The following GRIN2B variants were observed in gnomAD, a reference collection of about 807,000 sequenced individuals.
GRIN2B encodes glutamate ionotropic receptor NMDA type subunit 2B, also known as glutamate receptor ionotropic, NMDA 2B.
Under a neutral mutation model 114.5 loss-of-function variants are expected in GRIN2B, and 5 were observed. The observed-to-expected ratio is 0.04, with a 90% CI of 0.02 to 0.09. The LOEUF is 0.09. Ranked by LOEUF, GRIN2B falls within the 10% of genes least tolerant of loss-of-function variation. The pLI is 1.00. For missense variants in GRIN2B, 1,108 were observed against 1,943.5 expected (o/e 0.57, Z 8.08); for synonymous variants, 787 against 745.1 (o/e 1.06, Z -0.92).
At chr12:13,609,556 G>A (rs1329520424) in intron 9 of GRIN2B, among the ~76,000 whole-genome samples, 4 of 152,092 alleles carry the variant, frequency 2.6e-5, no homozygotes, top group African/African-American at 7.2e-5. Context: ...GGCGGATCAC[G>A]AGGTCAGGAG....
At chr12:13,641,791 C>T (rs1488814584) in intron 5 of GRIN2B, among the ~76,000 whole-genome samples, 1 of 152,148 alleles carries the variant, frequency 6.6e-6, no homozygotes, top group Non-Finnish European at 1.5e-5. Context: ...AGGCCTCCTT[C>T]TTCAGCATCT....
chr12:13,609,063 T>C (rs529275710), intron 9 of GRIN2B, among the ~76,000 whole-genome samples: 9 of 152,152 alleles, frequency 5.9e-5, no homozygotes, highest in Non-Finnish European at 1.2e-4. Context: ...GGAGTGTGTG[T>C]AGGATGGTCT....
intron 2 of GRIN2B, among the ~76,000 whole-genome samples, chr12:13,867,115 A>G (rs1865840559): frequency 6.6e-6 from 1 of 152,248 alleles, no homozygotes; most frequent in African/African-American, 2.4e-5. Context: ...AAATACAGAA[A>G]CTTAAACAAA....
At chr12:13,692,760 CTT>C (rs71067718) in intron 4 of GRIN2B, among the ~76,000 whole-genome samples, 7 of 52,132 alleles carry the variant, frequency 1.3e-4, no homozygotes, top group South Asian at 1.2e-3. Context: ...TCTTTCTTTT[CTT>C]TTTTTTTTTT....
chr12:13,711,996 A>G (rs1320066190), intron 4 of GRIN2B, among the ~76,000 whole-genome samples: 1 of 152,188 alleles, frequency 6.6e-6, no homozygotes, highest in African/African-American at 2.4e-5. Flanking sequence ...CAACAGTGAT[A>G]GACTGGATTA....
At chr12:13,700,027 T>C (rs1170413224) in intron 4 of GRIN2B, among the ~76,000 whole-genome samples, 7 of 152,118 alleles carry the variant, frequency 4.6e-5, no homozygotes, top group Non-Finnish European at 8.8e-5. Flanking sequence ...TACCAGGGAA[T>C]CTTTTTATTG....
intron 3 of GRIN2B, among the ~76,000 whole-genome samples, chr12:13,862,237 G>A (rs578131154): frequency 2.0e-5 from 3 of 152,292 alleles, no homozygotes; most frequent in African/African-American, 4.8e-5. Flanking sequence ...GCTATTTGAC[G>A]AGGTGCTGAA....
intron 4 of GRIN2B, among the ~76,000 whole-genome samples, chr12:13,732,059 A>G (rs188840639): frequency 8.7e-4 from 133 of 152,316 alleles, no homozygotes; most frequent in African/African-American, 3.1e-3. Flanking sequence ...ACAAAAATAC[A>G]CTAATGGTGC....
At position 13,797,336 on chromosome 12, in the gene GRIN2B, C is replaced by A. The variant is rs187950494; in HGVS notation, c.412-43421G>T. 1.2e-4 allele frequency among the ~76,000 whole-genome samples: 18 copies of A among 152,314 alleles called. No homozygotes were observed. In the East Asian group the frequency reaches 3.5e-3, roughly 29 times the overall value. On this transcript the variant is annotated intron_variant, in intron 3 of 13. Coordinates refer to ENST00000609686, the MANE Select transcript of GRIN2B (RefSeq NM_000834.5). ...TTCCCCACCCCCTAATACATCATCA[C>A]CTTGGGGGTTAGGATTTCAACATAT...
Position 13,849,873 on chromosome 12 carries a change from T to C in GRIN2B, c.411+15925A>G, listed in dbSNP as rs142038121. Among the ~76,000 whole-genome samples, 511 of 152,264 alleles carry C rather than the reference T, an allele frequency of 3.4e-3. 2 individuals carry two copies. Among genetic ancestry groups the C allele is most frequent in the Non-Finnish European group, 5.7e-3 (391 of 68,018 alleles). ...CTCTAGAAAGGGCTTGCACACTGTG[T>C]GATAAATTTACTTCTCTCATGCATT... On this transcript the variant is annotated intron_variant, in intron 3 of 13. Transcript: ENST00000609686.
At chr12:13,696,943 C>T (rs1950265490) in intron 4 of GRIN2B, among the ~76,000 whole-genome samples, 1 of 152,168 alleles carries the variant, frequency 6.6e-6, no homozygotes, top group Non-Finnish European at 1.5e-5. Context: ...GTTCTTTATG[C>T]TTCTCCATAT....
chr12:13,740,904 T>C (rs1414889626), intron 4 of GRIN2B, among the ~76,000 whole-genome samples: 1 of 151,380 alleles, frequency 6.6e-6, no homozygotes, highest in East Asian at 1.9e-4. Flanking sequence ...GGACAGAGAG[T>C]GAGATGAGCA....
intron 10 of GRIN2B, among the ~76,000 whole-genome samples, chr12:13,594,509 CA>C (rs1949048324): frequency 6.6e-6 from 1 of 150,922 alleles, no homozygotes; most frequent in Non-Finnish European, 1.5e-5. Flanking sequence ...GAACATCACA[CA>C]CTGGGGCCTG....
At chr12:13,824,640 G>A (rs551781622) in intron 3 of GRIN2B, among the ~76,000 whole-genome samples, 1 of 152,128 alleles carries the variant, frequency 6.6e-6, no homozygotes, top group Non-Finnish European at 1.5e-5. Context: ...GGATCACAAG[G>A]TCAGGAGTTT....
chr12:13,537,341 T>C lies in GRIN2B; in HGVS notation c.*25442A>G, dbSNP rs1436928531. 2.0e-5 allele frequency: 3 copies of C among 152,204 alleles called. No homozygotes were observed. The highest frequency in any genetic ancestry group is 7.2e-5 in the African/African-American group (3 of 41,444). 9.4% of individuals were successfully genotyped at this position (152,204 alleles called of 1,614,324 possible). ...TGAGAATAGTCACATTTAAGGTCGA[T>C]TCCAAGTTTAAATTTTATGTGTAGA... is the stretch of plus-strand genomic sequence containing the variant. On this transcript the variant is annotated 3_prime_UTR_variant, in exon 14 of 14. Transcript: ENST00000609686.
chr12:13,714,923 A>G (rs1217358800), intron 4 of GRIN2B, among the ~76,000 whole-genome samples: 1 of 151,812 alleles, frequency 6.6e-6, no homozygotes, highest in African/African-American at 2.4e-5. Flanking sequence ...AAACTCTGGG[A>G]AATATGTGTT....
chr12:13,643,318 T>C (rs1209197644), intron 5 of GRIN2B, among the ~76,000 whole-genome samples: 1 of 152,150 alleles, frequency 6.6e-6, no homozygotes, highest in Non-Finnish European at 1.5e-5. Context: ...TCCAAGTGCA[T>C]ATAAAAGTTA....
chr12:13,855,166 C>T (rs1239475256), intron 3 of GRIN2B, among the ~76,000 whole-genome samples: 5 of 151,682 alleles, frequency 3.3e-5, no homozygotes, highest in African/African-American at 1.2e-4. Flanking sequence ...TTCAGTGAGC[C>T]GAGATCATGC....
At chr12:13,938,171 A>G (rs1051876655) in intron 2 of GRIN2B, among the ~76,000 whole-genome samples, 2 of 152,150 alleles carry the variant, frequency 1.3e-5, no homozygotes, top group African/African-American at 4.8e-5. Flanking sequence ...AATGAAAATC[A>G]GAAATCACAA....
Sources: gnomAD v4.1 joint callset for allele counts (sites outside exome capture counted in the v4.1 genomes callset) on GRCh38, gnomAD v4.1.1 for gene constraint, MANE v1.5 for transcripts, NCBI Gene and HGNC (gene_info 2026-07-23, HGNC 2026-07-21) for gene names.